Variants in SMYD1 observed in about 807,000 individuals in gnomAD.
The protein encoded by SMYD1 is histone-lysine N-methyltransferase SMYD1.
In SMYD1, 49 loss-of-function variants were observed where a neutral mutation model predicts 54.0. The ratio of observed to expected loss-of-function variants is 0.91; its 90% CI spans 0.72 to 1.15. SMYD1 has a LOEUF of 1.15. SMYD1 is among the 50% of genes most tolerant of loss of function. SMYD1 has a pLI of 0.00. For synonymous variants in SMYD1, 269 were observed against 234.2 expected, an observed-to-expected ratio of 1.15 and a Z score of -1.36; for missense variants, 653 against 639.6, an observed-to-expected ratio of 1.02 and a Z score of -0.23.
chr2:88,087,635 C>A (rs1190266376), intron 2 of SMYD1, among the ~76,000 whole-genome samples: 1 of 152,174 alleles, frequency 6.6e-6, no homozygotes, highest in Non-Finnish European at 1.5e-5. Context: ...CTCTATCATG[C>A]CACCCTGTAT....
intron 1 of SMYD1, 132 bp from the exon 2 acceptor site, chr2:88,084,184 A>G: frequency 1.5e-6 from 1 of 676,438 alleles, no homozygotes; most frequent in Non-Finnish European, 2.3e-6. Flanking sequence ...TCATTTTGGA[A>G]GGTGGAAATC....
At chr2:88,096,938 G>A (rs1573116055) in intron 6 of SMYD1, among the ~76,000 whole-genome samples, 154 bp downstream of exon 6, 2 of 152,194 alleles carry the variant, frequency 1.3e-5, no homozygotes, top group South Asian at 2.1e-4. Context: ...GCAGAGCACC[G>A]CAGGTAGGTC....
rs1260070513 is a variant in SMYD1, at chr2:88,111,994, C to G, written c.*1482C>G. 2 of 696,754 alleles carry G rather than the reference C, an allele frequency of 2.9e-6. No individual in the cohort carries two copies. The highest frequency in any genetic ancestry group is 3.5e-5 in the African/African-American group (2 of 57,128). The allele number at this position is 696,754 out of a possible 1,614,324, so 43.2% of individuals were successfully genotyped here. A position where few individuals can be genotyped will look rare whatever the true frequency, so the allele number is the denominator to read the frequency against. ...CTCACCACATGATGACCTGCTGTGT[C>G]CCTCTGAGCACTACCCAGTGGCTGA... On this transcript the variant is annotated 3_prime_UTR_variant, in exon 10 of 10. Transcript: ENST00000419482.
rs116618832 is a variant in SMYD1, at chr2:88,107,910, C to T, written c.1146-461C>T. On this transcript the variant is annotated intron_variant, in intron 8 of 9. Transcript: ENST00000419482. The stretch of plus-strand genomic sequence containing the variant: ...ACTTCCCAGGTGAGGTCATGCCTTG[C>T]CCTGCTTCGGCTTACACTCGGTGCG... Among the ~76,000 whole-genome samples the T allele has an allele frequency of 5.3e-3, 807 of 152,348 alleles. 7 individuals carry two copies. Among genetic ancestry groups the T allele is most frequent in the Non-Finnish European group, 9.1e-3 (616 of 68,030 alleles).
In SMYD1 at chr2:88,112,471, G is replaced by C. The variant is rs1473765061; in HGVS notation, c.*1959G>C. The C allele has an allele frequency of 1.3e-5, 4 of 314,688 alleles. No homozygotes were observed. The highest frequency in any genetic ancestry group is 2.4e-5 in the Non-Finnish European group (4 of 168,456). The allele number at this position is 314,688 out of a possible 1,614,324, so 19.5% of individuals were successfully genotyped here. A position where few individuals can be genotyped will look rare whatever the true frequency, so the allele number is the denominator to read the frequency against. ...CCCAGACTTTGCTCCATCTATTATT[G>C]CTTCTCCATCCTGGATCCTTGACAT... On this transcript the variant is annotated 3_prime_UTR_variant, in exon 10 of 10. Transcript: ENST00000419482.
chr2:88,094,231 C>A (rs993496037), intron 5 of SMYD1, among the ~76,000 whole-genome samples: 17 of 152,130 alleles, frequency 1.1e-4, no homozygotes, highest in African/African-American at 4.1e-4. Flanking sequence ...GTGCACTGCA[C>A]GTGAATTTGG....
At chr2:88,098,932 C>T (rs1038976199) in intron 6 of SMYD1, among the ~76,000 whole-genome samples, 6 of 152,084 alleles carry the variant, frequency 3.9e-5, no homozygotes, top group Non-Finnish European at 5.9e-5. Context: ...TTAATATATG[C>T]GTATGTAAAC....
rs1381715738 is a variant in SMYD1 at position 88,084,353 on chromosome 2, C to T, written c.175C>T (p.Gln59Ter). Residue 59 changes from glutamine to a stop codon, truncating the protein, a stop_gained, in exon 2 of 10, where the codon CAG (glutamine) becomes TAG (stop). Coordinates refer to ENST00000419482, the MANE Select transcript of SMYD1 (RefSeq NM_198274.4). LOFTEE classifies it high-confidence loss of function. ...TGTGTGCCACACCTGCTTCAAGAGGCAGGAGAAGCTCCATCGCTGTGGGCA... is the reference window on the plus strand; with the variant it reads ...TGTGTGCCACACCTGCTTCAAGAGGTAGGAGAAGCTCCATCGCTGTGGGCA... The part of the protein sequence containing the change: ...NFVCHTCFKR[Q>*]EKLHRCGQCK... The T allele has an allele frequency of 1.3e-6, 2 of 1,586,038 alleles. No individual in the cohort carries two copies. The highest frequency in any genetic ancestry group is 2.2e-5 in the South Asian group (2 of 89,908).
intron 1 of SMYD1, among the ~76,000 whole-genome samples, chr2:88,075,534 CT>C (rs35091980): frequency 0.36 from 37,557 of 103,498 alleles, 5,512 homozygotes; most frequent in East Asian, 0.68. Context: ...CCTTTTAATT[CT>C]TTTTTTTTTT....
At chr2:88,076,444 C>G (rs1299857970) in intron 1 of SMYD1, among the ~76,000 whole-genome samples, 1 of 152,066 alleles carries the variant, frequency 6.6e-6, no homozygotes, top group African/African-American at 2.4e-5. Flanking sequence ...AGGATGTTCT[C>G]GATCTTCTGA....
chr2:88,082,350 T>C (rs1010835701), intron 1 of SMYD1, among the ~76,000 whole-genome samples: 1 of 152,184 alleles, frequency 6.6e-6, no homozygotes, highest in Admixed American at 6.5e-5. Flanking sequence ...AACAAATTAG[T>C]AGCAATACAC....
chr2:88,106,995 T>C (rs1015471617), intron 8 of SMYD1, among the ~76,000 whole-genome samples: 1 of 152,020 alleles, frequency 6.6e-6, no homozygotes, highest in Non-Finnish European at 1.5e-5. Context: ...GGTGGGGAGA[T>C]AGAGACCATC....
In SMYD1 at chr2:88,104,128, G is replaced by T. The variant is rs191013716; in HGVS notation, c.981+978G>T. ...ACTACAGGTGCCCGCCACCACGCCT[G>T]GCTAATTTTTTGTACTTTCAGTAGA... is the stretch of plus-strand genomic sequence containing the variant. On this transcript the variant is annotated intron_variant, in intron 7 of 9. Coordinates refer to ENST00000419482, the MANE Select transcript of SMYD1 (RefSeq NM_198274.4). 1.3e-4 allele frequency among the ~76,000 whole-genome samples: 20 copies of T among 152,152 alleles called. 1 individual carries two copies. The highest frequency in any genetic ancestry group is 3.4e-3 in the Middle Eastern group (1 of 294).
chr2:88,088,092 C>G lies in SMYD1; in HGVS notation c.528+17C>G. 3 of 1,593,722 alleles carry G rather than the reference C, an allele frequency of 1.9e-6. No individual in the cohort carries two copies. The highest frequency in any genetic ancestry group is 2.6e-6 in the Non-Finnish European group (3 of 1,168,340). ...TTCGGAGTGGTAGGCCCCCTGCGTCCCTTCTCCATCCTCCCTGTCTGTCTC... is the reference window on the plus strand; with the variant it reads ...TTCGGAGTGGTAGGCCCCCTGCGTCGCTTCTCCATCCTCCCTGTCTGTCTC... On this transcript the variant is annotated intron_variant, in intron 3 of 9. Transcript: ENST00000419482.
chr2:88,101,625 A>C (rs1462004127), intron 6 of SMYD1, among the ~76,000 whole-genome samples: 2 of 152,146 alleles, frequency 1.3e-5, no homozygotes, highest in East Asian at 3.8e-4. Flanking sequence ...TTTTCTTTTG[A>C]GACAGGGTCT....
In SMYD1 at chr2:88,110,692, T is replaced by G. The variant is rs1219994288; in HGVS notation, c.*180T>G. 16 of 662,496 alleles carry G rather than the reference T, an allele frequency of 2.4e-5. No homozygotes were observed. The African/African-American group carries it at 3.0e-4, about 12-fold the overall frequency. 41.0% of individuals were successfully genotyped at this position (662,496 alleles called of 1,614,324 possible). A position where few individuals can be genotyped will look rare whatever the true frequency, so the allele number is the denominator to read the frequency against. Reference sequence around the variant, plus strand: ...TTGGCTCAATTCAAGTCTATTCAATTCAAGTTAACTCTAGCCCAGCCCAGA... The same window carrying G: ...TTGGCTCAATTCAAGTCTATTCAATGCAAGTTAACTCTAGCCCAGCCCAGA... On this transcript the variant is annotated 3_prime_UTR_variant, in exon 10 of 10. Transcript: ENST00000419482.
At chr2:88,092,340 G>A (rs948874862) in intron 4 of SMYD1, among the ~76,000 whole-genome samples, 2 of 152,304 alleles carry the variant, frequency 1.3e-5, no homozygotes, top group African/African-American at 4.8e-5. Context: ...GATGGAATGA[G>A]CTCCTGGTGG....
chr2:88,072,204 G>A (rs1382484601), intron 1 of SMYD1, among the ~76,000 whole-genome samples: 1 of 152,200 alleles, frequency 6.6e-6, no homozygotes, highest in African/African-American at 2.4e-5. Flanking sequence ...AGGCTGGAGT[G>A]TAGTGGTGAG....
rs762212549 is a variant in SMYD1 at position 88,096,610 on chromosome 2, C to T, written c.714C>T (p.Ala238=). 4 of 1,612,592 alleles carry T rather than the reference C, an allele frequency of 2.5e-6. No individual in the cohort carries two copies. Among genetic ancestry groups the T allele is most frequent in the African/African-American group, 1.3e-5 (1 of 74,888 alleles). The change falls in exon 6 of 10, where the codon GCC becomes GCT. Residue 238 remains alanine, a synonymous_variant. Transcript: ENST00000419482. ...FHTQMRIELR[A]LGKISEGEEL... is the part of the protein sequence containing the mutation. ...CCTGCTTCAGAATTGAGCTCCGGGC[C>T]CTAGGCAAGATCTCAGAAGGAGAGG...
Sources: gnomAD v4.1 joint callset for allele counts (sites outside exome capture counted in the v4.1 genomes callset) on GRCh38, gnomAD v4.1.1 for gene constraint, MANE v1.5 for transcripts, NCBI Gene and HGNC (gene_info 2026-07-23, HGNC 2026-07-21) for gene names.